PXDNL: variants seen among roughly 807,000 people sequenced by gnomAD.
The protein encoded by PXDNL is probable oxidoreductase PXDNL.
A neutral mutation model predicts 150.8 loss-of-function variants in PXDNL; 145 were observed. That is an observed-to-expected ratio of 0.96 (90% CI 0.84 to 1.10). PXDNL has a LOEUF of 1.10. Among genes scored for constraint, PXDNL ranks in the 50% least tolerant of loss-of-function variants. PXDNL has a pLI of 0.00. For missense variants in PXDNL, 2,087 were observed against 1,873.9 expected (o/e 1.11, Z -2.10); for synonymous variants, 757 against 725.7 (o/e 1.04, Z -0.69).
At chr8:51,757,833 G>C (rs891165172) in intron 1 of PXDNL, among the ~76,000 whole-genome samples, 1 of 151,928 alleles carries the variant, frequency 6.6e-6, no homozygotes, top group Non-Finnish European at 1.5e-5. Flanking sequence ...TGCTGCTTCC[G>C]CCCCTTTTCT....
intron 21 of PXDNL, among the ~76,000 whole-genome samples, chr8:51,323,809 G>A (rs1188920928): frequency 2.0e-5 from 3 of 151,726 alleles, no homozygotes; most frequent in African/African-American, 4.8e-5. Flanking sequence ...CCAGCTACTC[G>A]GGAGGCTGAG....
At chr8:51,367,952 A>T (rs28433608) in intron 19 of PXDNL, among the ~76,000 whole-genome samples, 1,987 of 152,206 alleles carry the variant, frequency 0.013, 35 homozygotes, top group African/African-American at 0.044. Flanking sequence ...ACATGGAGAA[A>T]CCACGTCTGT....
intron 1 of PXDNL, among the ~76,000 whole-genome samples, chr8:51,745,508 A>G (rs1240308795): frequency 6.6e-6 from 1 of 152,206 alleles, no homozygotes; most frequent in African/African-American, 2.4e-5. Flanking sequence ...AAGCTAATTA[A>G]AAGAAAGTAT....
At chr8:51,338,251 T>C (rs1047695648) in intron 21 of PXDNL, among the ~76,000 whole-genome samples, 7 of 151,422 alleles carry the variant, frequency 4.6e-5, no homozygotes, top group African/African-American at 1.7e-4. Flanking sequence ...TGGCTATTTC[T>C]GGTCAAGTGA....
chr8:51,505,165 T>C (rs547007129), intron 4 of PXDNL, among the ~76,000 whole-genome samples: 16 of 152,268 alleles, frequency 1.1e-4, no homozygotes, highest in Admixed American at 4.6e-4. Flanking sequence ...ATTTGACATC[T>C]CGTATCTGAG....
intron 19 of PXDNL, among the ~76,000 whole-genome samples, chr8:51,351,897 A>G (rs1806365093): frequency 6.6e-6 from 1 of 152,050 alleles, no homozygotes; most frequent in Admixed American, 6.6e-5. Context: ...CTTTCTCACA[A>G]TCAGCAGGGG....
chr8:51,510,515 A>G (rs889243095), intron 4 of PXDNL, among the ~76,000 whole-genome samples: 6 of 152,234 alleles, frequency 3.9e-5, no homozygotes, highest in Non-Finnish European at 8.8e-5. Flanking sequence ...ATTTGAATCT[A>G]AAGCACAGCA....
chr8:51,389,945 A>C (rs1396394814), intron 17 of PXDNL, among the ~76,000 whole-genome samples: 1 of 152,172 alleles, frequency 6.6e-6, no homozygotes, highest in African/African-American at 2.4e-5. Context: ...AAAAGGTTTT[A>C]ATATTATATA....
chr8:51,701,159 C>T (rs565893480), intron 1 of PXDNL, among the ~76,000 whole-genome samples: 2 of 152,144 alleles, frequency 1.3e-5, no homozygotes, highest in East Asian at 3.9e-4. Context: ...CCAGTTTCTA[C>T]ATTAGATGAT....
intron 19 of PXDNL, among the ~76,000 whole-genome samples, chr8:51,360,616 A>C (rs1583196): frequency 0.23 from 34,209 of 149,416 alleles, 3,967 homozygotes; most frequent in Middle Eastern, 0.31. Flanking sequence ...TTAGGTTTAG[A>C]CCAAAGCTAC....
intron 17 of PXDNL, among the ~76,000 whole-genome samples, chr8:51,386,599 T>G (rs4326375): frequency 0.22 from 33,849 of 151,852 alleles, 5,486 homozygotes; most frequent in African/African-American, 0.45. Flanking sequence ...ATAGATAATA[T>G]ATATATAGGT....
intron 6 of PXDNL, among the ~76,000 whole-genome samples, chr8:51,483,244 G>C (rs1272305647): frequency 1.3e-5 from 2 of 152,150 alleles, no homozygotes; most frequent in East Asian, 3.9e-4. Context: ...GAAATGAGTA[G>C]GAAGACAACT....
chr8:51,367,926 G>C (rs529805309), intron 19 of PXDNL, among the ~76,000 whole-genome samples: 34 of 152,272 alleles, frequency 2.2e-4, no homozygotes, highest in African/African-American at 7.5e-4. Context: ...TCAGGAGTTT[G>C]AGACCAGCCT....
chr8:51,476,924 C>T (rs933999709), intron 6 of PXDNL, among the ~76,000 whole-genome samples: 19 of 152,198 alleles, frequency 1.2e-4, no homozygotes, highest in African/African-American at 4.3e-4. Context: ...CACAAAAAGT[C>T]CTTACAAACA....
At chr8:51,472,089 T>A (rs762598845) in intron 8 of PXDNL, 98 bp downstream of exon 8, 14 of 712,956 alleles carry the variant, frequency 2.0e-5, no homozygotes, top group Non-Finnish European at 3.0e-5. Context: ...TCTGAAAATT[T>A]TAGTAATTTC....
intron 6 of PXDNL, among the ~76,000 whole-genome samples, chr8:51,482,735 C>A (rs1317340946): frequency 6.6e-6 from 1 of 152,192 alleles, no homozygotes; most frequent in Non-Finnish European, 1.5e-5. Context: ...TGCCTGCCAC[C>A]ATGTAAGACA....
At chr8:51,621,999 T>C (rs1814268454) in intron 2 of PXDNL, among the ~76,000 whole-genome samples, 1 of 151,794 alleles carries the variant, frequency 6.6e-6, no homozygotes, top group Admixed American at 6.6e-5. Context: ...ACTAATCAGT[T>C]GACTGATTAA....
intron 1 of PXDNL, among the ~76,000 whole-genome samples, chr8:51,726,901 C>A (rs961840306): frequency 3.3e-5 from 5 of 152,184 alleles, no homozygotes; most frequent in Admixed American, 6.5e-5. Context: ...TAGACCCAGG[C>A]AATACTTTAC....
intron 12 of PXDNL, among the ~76,000 whole-genome samples, chr8:51,429,961 T>C (rs887221831): frequency 6.6e-6 from 1 of 152,190 alleles, no homozygotes; most frequent in Non-Finnish European, 1.5e-5. Flanking sequence ...GATTGATGCC[T>C]GACAATGCAT....
Sources: gnomAD v4.1 joint callset for allele counts (sites outside exome capture counted in the v4.1 genomes callset) on GRCh38, gnomAD v4.1.1 for gene constraint, MANE v1.5 for transcripts, NCBI Gene and HGNC (gene_info 2026-07-23, HGNC 2026-07-21) for gene names.